The following MRPL35 variants were observed in gnomAD, a reference collection of about 807,000 sequenced individuals.
MRPL35 encodes the protein mitochondrial ribosomal protein L35.
MRPL35 carries 18 observed loss-of-function variants against 21.6 expected under a neutral mutation model. The observed-to-expected ratio is 0.83, with a 90% CI of 0.58 to 1.24. The LOEUF (loss-of-function observed/expected upper bound fraction) is 1.24, where lower values mean the gene tolerates loss of function less well. MRPL35 is among the 50% of genes most tolerant of loss of function. MRPL35 has a pLI of 0.00. For missense variants in MRPL35, 223 were observed against 223.2 expected, an observed-to-expected ratio of 1.00 and a Z score of 0.01; for synonymous variants, 87 against 86.9, an observed-to-expected ratio of 1.00 and a Z score of -0.01.
chr2:86,203,115 T>C (rs1673722190), intron 1 of MRPL35, among the ~76,000 whole-genome samples: 4 of 148,608 alleles, frequency 2.7e-5, no homozygotes, highest in Admixed American at 2.0e-4. Context: ...AGTCCCGCTC[T>C]GTCGCTCAAG....
At chr2:86,208,323 T>C (rs1203483349) in intron 3 of MRPL35, among the ~76,000 whole-genome samples, 1 of 152,132 alleles carries the variant, frequency 6.6e-6, no homozygotes, top group Non-Finnish European at 1.5e-5. Context: ...TTTTCTTTTT[T>C]TGAGACAAAG....
At chr2:86,199,884 A>G (rs1322661994) in intron 1 of MRPL35, among the ~76,000 whole-genome samples, 3 of 152,186 alleles carry the variant, frequency 2.0e-5, no homozygotes, top group Non-Finnish European at 2.9e-5. Flanking sequence ...TAACCTTGAG[A>G]ATTAATGTCT....
At chr2:86,207,710 A>T (rs887559966) in intron 3 of MRPL35, among the ~76,000 whole-genome samples, 9 of 152,196 alleles carry the variant, frequency 5.9e-5, no homozygotes, top group African/African-American at 2.2e-4. Context: ...ACTGTAGCTC[A>T]TGCCTGTAAT....
rs76900006 is a variant in MRPL35 at position 86,211,528 on chromosome 2, A to G, written c.*860A>G. 35 of 985,486 alleles carry G rather than the reference A, an allele frequency of 3.6e-5. No individual in the cohort carries two copies. In the East Asian group the frequency reaches 1.9e-3, roughly 54 times the overall value. The allele number at this position is 985,486 out of a possible 1,614,324, so 61.0% of individuals were successfully genotyped here. A position where few individuals can be genotyped will look rare whatever the true frequency, so the allele number is the denominator to read the frequency against. On this transcript the variant is annotated 3_prime_UTR_variant, in exon 4 of 4. Coordinates refer to ENST00000337109, the MANE Select transcript of MRPL35 (RefSeq NM_016622.4). ...ACTTAACATCTAACACACCAGGTTC[A>G]TTGTGTTCATAACACTTGTCATTTA... is the stretch of plus-strand genomic sequence containing the variant.
chr2:86,211,869 T>C lies in MRPL35; in HGVS notation c.*1201T>C. On this transcript the variant is annotated 3_prime_UTR_variant, in exon 4 of 4. Coordinates refer to ENST00000337109, the MANE Select transcript of MRPL35 (RefSeq NM_016622.4). ...GTTTTCATTTGTAAGGATAAACTTTTCCCACAAATTTTCAACAATCATTGT... is the reference window on the plus strand; with the variant it reads ...GTTTTCATTTGTAAGGATAAACTTTCCCCACAAATTTTCAACAATCATTGT... 1 of 985,578 alleles carries C rather than the reference T, an allele frequency of 1.0e-6. No individual in the cohort carries two copies. Among genetic ancestry groups the C allele is most frequent in the Non-Finnish European group, 1.2e-6 (1 of 830,034 alleles). 61.1% of individuals were successfully genotyped at this position (985,578 alleles called of 1,614,324 possible). A position where few individuals can be genotyped will look rare whatever the true frequency, so the allele number is the denominator to read the frequency against.
At chr2:86,206,010 T>A in intron 1 of MRPL35, 96 bp from the exon 2 acceptor site, 1 of 1,087,438 alleles carries the variant, frequency 9.2e-7, no homozygotes, top group Non-Finnish European at 1.4e-6. Context: ...GCACGTTAAT[T>A]ATGTTTAATA....
Position 86,211,478 on chromosome 2 carries a change from G to T in MRPL35, c.*810G>T. 1 of 985,370 alleles carries T rather than the reference G, an allele frequency of 1.0e-6. No individual in the cohort carries two copies. Among genetic ancestry groups the T allele is most frequent in the East Asian group, 1.1e-4 (1 of 8,814 alleles). 61.0% of individuals were successfully genotyped at this position (985,370 alleles called of 1,614,324 possible). Reference sequence around the variant, plus strand: ...AACAGTTATGTGAGCAGTTTCACTTGGAGGTTCACATGGGGTGGCAGCACA... The same window carrying T: ...AACAGTTATGTGAGCAGTTTCACTTTGAGGTTCACATGGGGTGGCAGCACA... On this transcript the variant is annotated 3_prime_UTR_variant, in exon 4 of 4. Coordinates refer to ENST00000337109, the MANE Select transcript of MRPL35 (RefSeq NM_016622.4).
rs1166546150 is a variant in MRPL35 at position 86,213,365 on chromosome 2, C to A, written c.*2697C>A. ...ACGAATGGATTTCCAGCCTTTTTTT[C>A]CCATCTGTTCCTGCTTTTAGTCCTC... On this transcript the variant is annotated 3_prime_UTR_variant, in exon 4 of 4. Coordinates refer to ENST00000337109, the MANE Select transcript of MRPL35 (RefSeq NM_016622.4). The A allele has an allele frequency of 1.6e-6, 2 of 1,247,934 alleles. No homozygotes were observed. Among genetic ancestry groups the A allele is most frequent in the South Asian group, 3.2e-5 (1 of 31,168 alleles). The allele number at this position is 1,247,934 out of a possible 1,614,324, so 77.3% of individuals were successfully genotyped here. A position where few individuals can be genotyped will look rare whatever the true frequency, so the allele number is the denominator to read the frequency against.
chr2:86,199,442 T>G (rs779873396), upstream of MRPL35: 80 of 1,611,162 alleles, frequency 5.0e-5, no homozygotes, highest in Non-Finnish European at 4.5e-5. Flanking sequence ...CATTCTCTTT[T>G]GCTCTTGTGC....
intron 3 of MRPL35, among the ~76,000 whole-genome samples, chr2:86,207,745 G>A (rs1213361184): frequency 3.9e-5 from 6 of 152,156 alleles, no homozygotes; most frequent in Admixed American, 6.5e-5. Flanking sequence ...AGGCCAAGGC[G>A]GGCAGAACAC....
intron 1 of MRPL35, among the ~76,000 whole-genome samples, chr2:86,200,108 C>G (rs560906550): frequency 6.6e-6 from 1 of 152,206 alleles, no homozygotes; most frequent in African/African-American, 2.4e-5. Context: ...AATTAAGTTG[C>G]CGTGACGTTA....
rs1179273246 is a variant in MRPL35, at chr2:86,213,533, C to T, written c.*2865C>T. The stretch of plus-strand genomic sequence containing the variant: ...TGAGCTTCCAAGTCTTTGTGGCCAC[C>T]CAATGAAGTTTGAGTCTGCCTGTTC... On this transcript the variant is annotated 3_prime_UTR_variant, in exon 4 of 4. Coordinates refer to ENST00000337109, the MANE Select transcript of MRPL35 (RefSeq NM_016622.4). 1 of 1,434,420 alleles carries T rather than the reference C, an allele frequency of 7.0e-7. No homozygotes were observed. The highest frequency in any genetic ancestry group is 9.3e-7 in the Non-Finnish European group (1 of 1,080,924). The allele number at this position is 1,434,420 out of a possible 1,614,324, so 88.9% of individuals were successfully genotyped here. A position where few individuals can be genotyped will look rare whatever the true frequency, so the allele number is the denominator to read the frequency against.
chr2:86,205,985 A>C (rs1011802830), intron 1 of MRPL35, 121 bp from the exon 2 acceptor site: 55 of 816,272 alleles, frequency 6.7e-5, no homozygotes, highest in Non-Finnish European at 1.1e-4. Flanking sequence ...TTCACAGATG[A>C]GTCTGATGCT....
Position 86,213,235 on chromosome 2 carries a change from A to T in MRPL35, c.*2567A>T. 1 of 1,023,364 alleles carries T rather than the reference A, an allele frequency of 9.8e-7. No individual in the cohort carries two copies. Among genetic ancestry groups the T allele is most frequent in the East Asian group, 8.9e-5 (1 of 11,252 alleles). The allele number at this position is 1,023,364 out of a possible 1,614,324, so 63.4% of individuals were successfully genotyped here. ...AATAAACACTTCTTCATAACACTGT[A>T]CCAATTCAGCTTTTAAATTTTATTA... On this transcript the variant is annotated 3_prime_UTR_variant, in exon 4 of 4. Coordinates refer to ENST00000337109, the MANE Select transcript of MRPL35 (RefSeq NM_016622.4).
In MRPL35 at chr2:86,211,592, T is replaced by C; in HGVS notation, c.*924T>C. 1 of 985,444 alleles carries C rather than the reference T, an allele frequency of 1.0e-6. No individual in the cohort carries two copies. The highest frequency in any genetic ancestry group is 4.7e-5 in the South Asian group (1 of 21,282). 61.0% of individuals were successfully genotyped at this position (985,444 alleles called of 1,614,324 possible). A position where few individuals can be genotyped will look rare whatever the true frequency, so the allele number is the denominator to read the frequency against. On this transcript the variant is annotated 3_prime_UTR_variant, in exon 4 of 4. Transcript: ENST00000337109. Reference sequence around the variant, plus strand: ...TTTTCATAGGAGAGTAAATAGCCCTTCAGCATGCTCATTCATGAAACAGAA... The same window carrying C: ...TTTTCATAGGAGAGTAAATAGCCCTCCAGCATGCTCATTCATGAAACAGAA...
At chr2:86,200,957 T>G (rs1252782899) in intron 1 of MRPL35, among the ~76,000 whole-genome samples, 1 of 152,182 alleles carries the variant, frequency 6.6e-6, no homozygotes, top group Non-Finnish European at 1.5e-5. Flanking sequence ...TGAGCCACCC[T>G]GCCCGGCCTG....
chr2:86,209,269 A>G (rs775613013), intron 3 of MRPL35, among the ~76,000 whole-genome samples: 1 of 152,192 alleles, frequency 6.6e-6, no homozygotes, highest in African/African-American at 2.4e-5. Flanking sequence ...GTTGATGGTC[A>G]CAGTGATGAT....
intron 3 of MRPL35, among the ~76,000 whole-genome samples, chr2:86,209,375 G>T (rs1673859011): frequency 6.6e-6 from 1 of 152,194 alleles, no homozygotes; most frequent in South Asian, 2.1e-4. Flanking sequence ...GGCTTGAAAG[G>T]ACCCAAGGGC....
chr2:86,204,392 A>G lies in MRPL35; in HGVS notation c.44-1714A>G, dbSNP rs1232499257. On this transcript the variant is annotated intron_variant, in intron 1 of 3. Transcript: ENST00000337109. ...TTTTATTAATTTAGCAAGCTGTACA[A>G]CCATTACCACATTCCAGCTTTAGGA... 3.3e-5 allele frequency among the ~76,000 whole-genome samples: 5 copies of G among 150,052 alleles called. No homozygotes were observed. The East Asian group carries it at 9.7e-4, about 29-fold the overall frequency.
Sources: allele counts gnomAD v4.1 joint callset (sites outside exome capture counted in the v4.1 genomes callset), GRCh38; gene constraint gnomAD v4.1.1; transcripts MANE v1.5; gene names NCBI Gene and HGNC (gene_info 2026-07-23, HGNC 2026-07-21).